Variants in CIBAR1 observed in about 807,000 individuals in gnomAD.
CIBAR1 encodes the protein CBY1-interacting BAR domain-containing protein 1.
In CIBAR1, 25 loss-of-function variants were observed where a neutral mutation model predicts 44.0. That is an observed-to-expected ratio of 0.57 (90% CI 0.41 to 0.79). CIBAR1 has a LOEUF of 0.79. CIBAR1 is among the 30% of genes least tolerant of loss of function. CIBAR1 has a pLI of 0.00. For synonymous variants in CIBAR1, 115 were observed against 119.0 expected (o/e 0.97, Z 0.22); for missense variants, 278 against 344.8 (o/e 0.81, Z 1.53).
At chr8:93,706,435 T>C (rs1195483637) in intron 4 of CIBAR1, among the ~76,000 whole-genome samples, 1 of 152,076 alleles carries the variant, frequency 6.6e-6, no homozygotes, top group Non-Finnish European at 1.5e-5. Context: ...GGTTCACCAG[T>C]GTTTAAGAAT....
chr8:93,700,695 C>T, intron 1 of CIBAR1, 22 bp downstream of exon 1: 1 of 1,495,738 alleles, frequency 6.7e-7, no homozygotes, highest in Non-Finnish European at 8.9e-7. Flanking sequence ...AGCCCAGCTG[C>T]CCAGGGCCGC....
intron 1 of CIBAR1, chr8:93,701,014 C>T: frequency 1.4e-6 from 2 of 1,422,260 alleles, no homozygotes; most frequent in Non-Finnish European, 1.8e-6. Flanking sequence ...CCAGGCCCAC[C>T]CGGCCTGGGC....
In CIBAR1 at chr8:93,722,625, G is replaced by A. The variant is rs188781425; in HGVS notation, c.658-3769G>A. The stretch of plus-strand genomic sequence containing the variant: ...AGATGGAAGGAATCGCTTGAACCTG[G>A]GAGGCAGAGGTTGCAGTGAGCTGAG... On this transcript the variant is annotated intron_variant, in intron 7 of 8. Transcript: ENST00000518322. 1.1e-3 allele frequency among the ~76,000 whole-genome samples: 165 copies of A among 152,186 alleles called. 1 individual carries two copies. Among genetic ancestry groups the A allele is most frequent in the African/African-American group, 3.7e-3 (152 of 41,538 alleles).
At chr8:93,727,572 G>A (rs1484163856) in intron 8 of CIBAR1, among the ~76,000 whole-genome samples, 1 of 152,094 alleles carries the variant, frequency 6.6e-6, no homozygotes, top group Non-Finnish European at 1.5e-5. Flanking sequence ...ATATTGTGAC[G>A]ACATCAAGCA....
At chr8:93,709,925 T>A (rs1810754755) in intron 6 of CIBAR1, 50 bp downstream of exon 6, 1 of 1,362,336 alleles carries the variant, frequency 7.3e-7, no homozygotes, top group Non-Finnish European at 1.0e-6. Flanking sequence ...CCTTTTTTTT[T>A]ACTTTAATGA....
chr8:93,707,121 A>G (rs1810622751), intron 4 of CIBAR1: 5 of 260,488 alleles, frequency 1.9e-5, no homozygotes, highest in South Asian at 1.9e-4. Context: ...ATTCCATTTA[A>G]TATACTGATA....
chr8:93,700,634 G>T lies in CIBAR1; in HGVS notation c.-14G>T, dbSNP rs1411978240. 4 of 1,498,684 alleles carry T rather than the reference G, an allele frequency of 2.7e-6. No individual in the cohort carries two copies. In the African/African-American group the frequency reaches 4.4e-5, roughly 16 times the overall value. 92.8% of individuals were successfully genotyped at this position (1,498,684 alleles called of 1,614,324 possible). ...TTGGGCCCCCGCAAGGTCCCCGGCC[G>T]TGCGCGAGGCAGCATGATGAGGCGC... On this transcript the variant is annotated 5_prime_UTR_variant, in exon 1 of 9. Transcript: ENST00000518322.
At chr8:93,701,668 T>C (rs1810363801) in intron 2 of CIBAR1, 1 of 557,332 alleles carries the variant, frequency 1.8e-6, no homozygotes, top group Admixed American at 3.3e-5. Context: ...TTAGGGCATC[T>C]TGAGGTCTTG....
intron 6 of CIBAR1, among the ~76,000 whole-genome samples, chr8:93,711,620 T>G (rs1449172212): frequency 6.6e-6 from 1 of 152,218 alleles, no homozygotes; most frequent in Non-Finnish European, 1.5e-5. Flanking sequence ...GAAGGAGAAT[T>G]ATTAAGATAA....
chr8:93,727,454 G>A (rs1399529836), intron 8 of CIBAR1, among the ~76,000 whole-genome samples: 5 of 152,134 alleles, frequency 3.3e-5, no homozygotes, highest in Admixed American at 2.6e-4. Flanking sequence ...CACTTGTATA[G>A]CACTTCAGAA....
At position 93,730,486 on chromosome 8, in the gene CIBAR1, T is replaced by C. The variant is rs1042268349; in HGVS notation, c.*2189T>C. On this transcript the variant is annotated 3_prime_UTR_variant, in exon 9 of 9. Coordinates refer to ENST00000518322, the MANE Select transcript of CIBAR1 (RefSeq NM_145269.5). Reference sequence around the variant, plus strand: ...GAATACACCTCCAGTGTACCTGGTATACCTTGAGGATAGGAGAGGAAAAAC... The same window carrying C: ...GAATACACCTCCAGTGTACCTGGTACACCTTGAGGATAGGAGAGGAAAAAC... The C allele has an allele frequency of 1.3e-5, 2 of 152,224 alleles. No homozygotes were observed. Among genetic ancestry groups the C allele is most frequent in the South Asian group, 4.1e-4 (2 of 4,832 alleles). 9.4% of individuals were successfully genotyped at this position (152,224 alleles called of 1,614,324 possible).
intron 6 of CIBAR1, chr8:93,715,938 A>G (rs1204702657): frequency 1.3e-5 from 2 of 152,240 alleles, no homozygotes; most frequent in African/African-American, 2.4e-5. Context: ...CCTTCAGAGC[A>G]TACTTTTAAT....
chr8:93,730,250 C>G lies in CIBAR1; in HGVS notation c.*1953C>G, dbSNP rs928752777. 1.3e-5 allele frequency: 2 copies of G among 152,160 alleles called. No homozygotes were observed. The highest frequency in any genetic ancestry group is 2.9e-5 in the Non-Finnish European group (2 of 68,020). 9.4% of individuals were successfully genotyped at this position (152,160 alleles called of 1,614,324 possible). ...ATATTTACTGCAAAAACAGAGGCAGCAAGGTCACTACTTAACAGGTGATAT... is the reference window on the plus strand; with the variant it reads ...ATATTTACTGCAAAAACAGAGGCAGGAAGGTCACTACTTAACAGGTGATAT... On this transcript the variant is annotated 3_prime_UTR_variant, in exon 9 of 9. Coordinates refer to ENST00000518322, the MANE Select transcript of CIBAR1 (RefSeq NM_145269.5).
chr8:93,718,563 ACAGAT>A, intron 6 of CIBAR1, 107 bp from the exon 7 acceptor site: 1 of 549,096 alleles, frequency 1.8e-6, no homozygotes, highest in Non-Finnish European at 3.0e-6. Flanking sequence ...CTATAGAAAA[ACAGAT>A]ACTTCTGTAT....
chr8:93,714,471 A>G (rs1162030425), intron 6 of CIBAR1, among the ~76,000 whole-genome samples: 46 of 152,172 alleles, frequency 3.0e-4, no homozygotes, highest in Admixed American at 2.9e-3. Flanking sequence ...CTAGATATCA[A>G]TACCAGAGTC....
chr8:93,724,443 G>A, intron 7 of CIBAR1: 3 of 452,224 alleles, frequency 6.6e-6, no homozygotes, highest in Non-Finnish European at 1.3e-5. Flanking sequence ...TCCCACCTCA[G>A]CCTCCCAAGT....
rs772880850 is a variant in CIBAR1, at chr8:93,704,953, G to A, written c.375G>A (p.Lys125=). 1.2e-6 allele frequency: 2 copies of A among 1,611,520 alleles called. No homozygotes were observed. The highest frequency in any genetic ancestry group is 1.7e-6 in the Non-Finnish European group (2 of 1,178,920). ...TCACAGCAAGGAATCGAGAAGCTAA[G>A]CAATTAACTCAGTTAGAAAGAACAC... The part of the protein sequence containing the change: ...ATLTARNREA[K]QLTQLERTRQ... The change falls in exon 4 of 9, where the codon AAG becomes AAA. Residue 125 remains lysine (K), a synonymous_variant. Coordinates refer to ENST00000518322, the MANE Select transcript of CIBAR1 (RefSeq NM_145269.5).
intron 8 of CIBAR1, chr8:93,727,225 T>C: frequency 6.3e-6 from 8 of 1,267,516 alleles, no homozygotes; most frequent in Non-Finnish European, 8.2e-6. Context: ...ACAAACTTAT[T>C]TTCAAGATAC....
intron 7 of CIBAR1, 134 bp downstream of exon 7, chr8:93,718,922 A>G: frequency 2.1e-6 from 1 of 468,110 alleles, no homozygotes; most frequent in Non-Finnish European, 3.7e-6. Context: ...GGAGTGCAGT[A>G]GTGTGATCTC....
Sources: allele counts gnomAD v4.1 joint callset (sites outside exome capture counted in the v4.1 genomes callset), GRCh38; gene constraint gnomAD v4.1.1; transcripts MANE v1.5; gene names NCBI Gene and HGNC (gene_info 2026-07-23, HGNC 2026-07-21).